The following EYS variants were observed in gnomAD, a reference collection of about 807,000 sequenced individuals.
The protein encoded by EYS is EGF-like photoreceptor maintenance factor.
EYS carries 250 observed loss-of-function variants against 282.1 expected under a neutral mutation model. The observed-to-expected ratio is 0.89, with a 90% CI of 0.80 to 0.98. The LOEUF is 0.98. EYS is among the 50% of genes least tolerant of loss of function. The pLI, the probability that EYS is intolerant of heterozygous loss-of-function variation, is 0.00. For missense variants in EYS, 4,016 were observed against 3,709.0 expected, an observed-to-expected ratio of 1.08 and a Z score of -2.15; for synonymous variants, 1,355 against 1,282.9, an observed-to-expected ratio of 1.06 and a Z score of -1.20.
At chr6:64,002,035 A>G (rs1768118418) in intron 33 of EYS, among the ~76,000 whole-genome samples, 1 of 152,240 alleles carries the variant, frequency 6.6e-6, no homozygotes, top group Non-Finnish European at 1.5e-5. Context: ...TCCTATGCCC[A>G]TATAAACCTG....
intron 39 of EYS, among the ~76,000 whole-genome samples, chr6:63,780,876 T>C (rs1022292518): frequency 2.4e-4 from 36 of 152,202 alleles, no homozygotes; most frequent in Non-Finnish European, 4.3e-4. Flanking sequence ...GTTTTTATGG[T>C]TTTAGGTCTA....
chr6:64,318,841 T>C (rs1420208263), intron 29 of EYS, among the ~76,000 whole-genome samples: 2 of 151,864 alleles, frequency 1.3e-5, no homozygotes, highest in African/African-American at 4.8e-5. Flanking sequence ...AGACTTACAA[T>C]GTGTAATGAT....
At chr6:64,158,025 G>C (rs1487092803) in intron 31 of EYS, among the ~76,000 whole-genome samples, 1 of 152,198 alleles carries the variant, frequency 6.6e-6, no homozygotes, top group Non-Finnish European at 1.5e-5. Context: ...GCAGCTGGGA[G>C]GGAGGCTGTA....
rs185722373 is a variant in EYS, at chr6:64,794,989, C to G, written c.3443+18389G>C. Among the ~76,000 whole-genome samples the G allele has an allele frequency of 3.0e-4, 46 of 152,202 alleles. No homozygotes were observed. The East Asian group carries it at 8.9e-3, about 29-fold the overall frequency. ...GTGGCTCATGGCTGTAATCCCAGCA[C>G]TTTGGCAGGCCGAGGCAGGTGGATT... On this transcript the variant is annotated intron_variant, in intron 22 of 42. Coordinates refer to ENST00000503581, the MANE Select transcript of EYS (RefSeq NM_001142800.2).
chr6:63,769,974 A>G (rs1769890387), intron 40 of EYS, among the ~76,000 whole-genome samples: 1 of 152,078 alleles, frequency 6.6e-6, no homozygotes, highest in African/African-American at 2.4e-5. Context: ...ATAGAGCAGC[A>G]TTGTACTTCG....
chr6:65,136,787 G>T (rs372588561), intron 12 of EYS, among the ~76,000 whole-genome samples: 2 of 151,984 alleles, frequency 1.3e-5, no homozygotes, highest in East Asian at 3.9e-4. Context: ...TGGTGCTCAG[G>T]AGATCCTCCC....
intron 31 of EYS, among the ~76,000 whole-genome samples, chr6:64,146,506 G>A (rs1314972612): frequency 6.6e-6 from 1 of 152,174 alleles, no homozygotes; most frequent in Non-Finnish European, 1.5e-5. Flanking sequence ...GTGATTCACA[G>A]ACACAGGACT....
chr6:64,681,046 G>A lies in EYS; in HGVS notation c.3444-54801C>T, dbSNP rs115633441. On this transcript the variant is annotated intron_variant, in intron 22 of 42. Coordinates refer to ENST00000503581, the MANE Select transcript of EYS (RefSeq NM_001142800.2). ...TTACTGGAGAGAAATGGGGAAAAAA[G>A]CAGCTAAGAAGAGCCTGGGACAGGA... 6.0e-3 allele frequency among the ~76,000 whole-genome samples: 920 copies of A among 152,278 alleles called. 7 individuals carry two copies. The highest frequency in any genetic ancestry group is 0.021 in the African/African-American group (862 of 41,554).
intron 2 of EYS, among the ~76,000 whole-genome samples, chr6:65,500,514 T>C (rs924631228): frequency 6.6e-5 from 10 of 152,028 alleles, no homozygotes; most frequent in Non-Finnish European, 1.2e-4. Flanking sequence ...GGTGGGATTA[T>C]GGGAGAGAAA....
At chr6:65,311,638 G>C (rs1305457646) in intron 11 of EYS, among the ~76,000 whole-genome samples, 3 of 152,098 alleles carry the variant, frequency 2.0e-5, no homozygotes, top group African/African-American at 7.2e-5. Flanking sequence ...GCCCCCTTTT[G>C]CAGATTCTGA....
chr6:64,440,977 A>T (rs1250653754), intron 26 of EYS, among the ~76,000 whole-genome samples: 1 of 152,184 alleles, frequency 6.6e-6, no homozygotes, highest in Non-Finnish European at 1.5e-5. Context: ...CCCCTATCGG[A>T]ACATGAATTC....
intron 33 of EYS, among the ~76,000 whole-genome samples, chr6:64,047,704 CTG>C (rs1232619082): frequency 1.3e-5 from 2 of 152,124 alleles, no homozygotes; most frequent in Non-Finnish European, 2.9e-5. Context: ...TTGCACAATT[CTG>C]TGAGGTGGAT....
chr6:63,834,415 A>T (rs1311318426), intron 36 of EYS, among the ~76,000 whole-genome samples: 1 of 152,170 alleles, frequency 6.6e-6, no homozygotes, highest in East Asian at 1.9e-4. Flanking sequence ...CCCTTCTCAA[A>T]AGAAGACATT....
intron 26 of EYS, among the ~76,000 whole-genome samples, chr6:64,585,571 C>A (rs1766209844): frequency 6.6e-6 from 1 of 152,004 alleles, no homozygotes; most frequent in South Asian, 2.1e-4. Flanking sequence ...AACGAGTTTT[C>A]AAAATAAAAC....
chr6:64,739,916 C>T (rs1170211907), intron 22 of EYS, among the ~76,000 whole-genome samples: 1 of 151,998 alleles, frequency 6.6e-6, no homozygotes, highest in East Asian at 1.9e-4. Flanking sequence ...TTTTTAAACT[C>T]TTATTTTATG....
chr6:64,734,528 A>G (rs73765306), intron 22 of EYS, among the ~76,000 whole-genome samples: 1,745 of 152,294 alleles, frequency 0.011, 26 homozygotes, highest in African/African-American at 0.04. Context: ...CTTATAAAAA[A>G]TTTTGGGGTT....
At chr6:64,771,854 G>A (rs1047416181) in intron 22 of EYS, among the ~76,000 whole-genome samples, 1 of 151,736 alleles carries the variant, frequency 6.6e-6, no homozygotes, top group African/African-American at 2.4e-5. Context: ...CTAAATGTAA[G>A]AACTAGTCAC....
At chr6:65,547,939 C>CT (rs1367195182) in intron 2 of EYS, among the ~76,000 whole-genome samples, 5 of 152,158 alleles carry the variant, frequency 3.3e-5, no homozygotes, top group Non-Finnish European at 5.9e-5. Flanking sequence ...CTTGACAAGG[C>CT]TAGATAGACT....
At chr6:64,200,215 T>C (rs1022738460) in intron 31 of EYS, among the ~76,000 whole-genome samples, 1 of 151,966 alleles carries the variant, frequency 6.6e-6, no homozygotes, top group African/African-American at 2.4e-5. Context: ...ACAGGTGATA[T>C]AACAGTGGTA....
Sources: allele counts gnomAD v4.1 joint callset (sites outside exome capture counted in the v4.1 genomes callset), GRCh38; gene constraint gnomAD v4.1.1; transcripts MANE v1.5; gene names NCBI Gene and HGNC (gene_info 2026-07-23, HGNC 2026-07-21).